PAK5: variants seen among roughly 807,000 people sequenced by gnomAD.
PAK5 encodes serine/threonine-protein kinase PAK 5.
A neutral mutation model predicts 65.9 loss-of-function variants in PAK5; 16 were observed. That is an observed-to-expected ratio of 0.24 (90% confidence interval 0.16 to 0.37). PAK5 has a LOEUF of 0.37. PAK5 is among the 10% of genes least tolerant of loss of function. The pLI, the probability that PAK5 is intolerant of heterozygous loss-of-function variation, is 1.00. For synonymous variants in PAK5, 371 were observed against 354.9 expected (o/e 1.05, Z -0.51); for missense variants, 785 against 903.9 (o/e 0.87, Z 1.69).
chr20:9,707,000 A>G (rs1569050877), intron 2 of PAK5, among the ~76,000 whole-genome samples: 2 of 152,118 alleles, frequency 1.3e-5, no homozygotes, highest in Admixed American at 1.3e-4. Context: ...TACATTTTAC[A>G]TATTTCTTGT....
chr20:9,569,333 C>T (rs190849097), intron 4 of PAK5, among the ~76,000 whole-genome samples: 4 of 152,158 alleles, frequency 2.6e-5, no homozygotes, highest in Non-Finnish European at 5.9e-5. Flanking sequence ...TGCCCCAAGT[C>T]CAGGGAAGAG....
At chr20:9,798,792 GT>G (rs2049134489) in intron 1 of PAK5, among the ~76,000 whole-genome samples, 1 of 152,118 alleles carries the variant, frequency 6.6e-6, no homozygotes, top group Non-Finnish European at 1.5e-5. Flanking sequence ...AAGGATGATG[GT>G]TCTCAAAGCA....
intron 1 of PAK5, among the ~76,000 whole-genome samples, chr20:9,726,878 T>C (rs917866177): frequency 6.6e-6 from 1 of 152,190 alleles, no homozygotes; most frequent in Non-Finnish European, 1.5e-5. Context: ...CTATGTATGC[T>C]AGACACCAAA....
intron 1 of PAK5, among the ~76,000 whole-genome samples, chr20:9,733,788 C>T (rs1447165558): frequency 6.6e-6 from 1 of 152,134 alleles, no homozygotes; most frequent in Admixed American, 6.6e-5. Context: ...TTAGTTCCTG[C>T]CATGATGGCT....
chr20:9,628,681 T>C (rs2046880293), intron 3 of PAK5, among the ~76,000 whole-genome samples: 1 of 152,176 alleles, frequency 6.6e-6, no homozygotes, highest in Non-Finnish European at 1.5e-5. Context: ...AAATGAAAGC[T>C]GATATTATAC....
intron 1 of PAK5, among the ~76,000 whole-genome samples, chr20:9,740,826 G>A (rs2048443005): frequency 6.6e-6 from 1 of 152,198 alleles, no homozygotes; most frequent in South Asian, 2.1e-4. Context: ...ATGCCTCTGA[G>A]GTTTTGTAGT....
intron 2 of PAK5, among the ~76,000 whole-genome samples, chr20:9,674,640 GC>G (rs2047544224): frequency 6.6e-6 from 1 of 152,180 alleles, no homozygotes. Context: ...AGTTGAGTAT[GC>G]AGAAGCAGAG....
intron 2 of PAK5, among the ~76,000 whole-genome samples, chr20:9,709,828 T>C (rs1193333558): frequency 6.6e-6 from 1 of 152,186 alleles, no homozygotes; most frequent in African/African-American, 2.4e-5. Context: ...CCTCCAACAG[T>C]AGCTGTTGGC....
chr20:9,686,655 C>T (rs2047723569), intron 2 of PAK5, among the ~76,000 whole-genome samples: 1 of 152,156 alleles, frequency 6.6e-6, no homozygotes, highest in Non-Finnish European at 1.5e-5. Context: ...TAAAGGCTTC[C>T]TGTTGCTGCT....
At chr20:9,549,095 T>A (rs2045388595) in intron 7 of PAK5, among the ~76,000 whole-genome samples, 1 of 152,152 alleles carries the variant, frequency 6.6e-6, no homozygotes, top group Admixed American at 6.6e-5. Flanking sequence ...TGCCCTATTA[T>A]AAGAGGAGTC....
At position 9,654,608 on chromosome 20, in the gene PAK5, T is replaced by C. The variant is rs146162952; in HGVS notation, c.-11-10269A>G. Among the ~76,000 whole-genome samples the C allele has an allele frequency of 3.7e-3, 567 of 152,084 alleles. 3 individuals are homozygous for C. The highest frequency in any genetic ancestry group is 0.013 in the African/African-American group (538 of 41,510). On this transcript the variant is annotated intron_variant, in intron 2 of 9. Coordinates refer to ENST00000353224, the MANE Select transcript of PAK5 (RefSeq NM_177990.4). ...AAATCTTTTGAAAAATATAAGTCTGTATCATTCTCTTTCTCTCTTAGACCT... is the reference window on the plus strand; with the variant it reads ...AAATCTTTTGAAAAATATAAGTCTGCATCATTCTCTTTCTCTCTTAGACCT...
chr20:9,557,932 C>A (rs929408579), intron 6 of PAK5, among the ~76,000 whole-genome samples, 198 bp from the exon 7 acceptor site: 2 of 152,056 alleles, frequency 1.3e-5, no homozygotes, highest in Non-Finnish European at 2.9e-5. Context: ...TGACAGGGAC[C>A]AAATATAAGT....
intron 1 of PAK5, among the ~76,000 whole-genome samples, chr20:9,773,019 T>G (rs1400283207): frequency 6.6e-6 from 1 of 152,208 alleles, no homozygotes; most frequent in Non-Finnish European, 1.5e-5. Flanking sequence ...TAAATCCTCA[T>G]GATGAGAAGT....
chr20:9,661,823 C>G (rs527280943), intron 2 of PAK5, among the ~76,000 whole-genome samples: 1 of 152,118 alleles, frequency 6.6e-6, no homozygotes, highest in Non-Finnish European at 1.5e-5. Context: ...ATCTTCCTCA[C>G]GTCAGTGATT....
intron 1 of PAK5, among the ~76,000 whole-genome samples, chr20:9,792,099 T>C (rs1289331430): frequency 3.9e-5 from 6 of 152,218 alleles, no homozygotes. Context: ...ATGACTATTT[T>C]GATCCCCCCT....
chr20:9,583,808 T>C (rs1286442413), intron 3 of PAK5, among the ~76,000 whole-genome samples: 3 of 152,228 alleles, frequency 2.0e-5, no homozygotes, highest in Non-Finnish European at 4.4e-5. Flanking sequence ...ACCCTTGATA[T>C]CACTGATCTG....
At chr20:9,772,467 G>A (rs2048844575) in intron 1 of PAK5, among the ~76,000 whole-genome samples, 1 of 46,370 alleles carries the variant, frequency 2.2e-5, no homozygotes, top group South Asian at 7.3e-4. Flanking sequence ...TATGCCATTG[G>A]TCAGAGGTCA....
Position 9,539,622 on chromosome 20 carries a change from G to T in PAK5, c.2005-5C>A. 1 of 1,612,612 alleles carries T rather than the reference G, an allele frequency of 6.2e-7. No homozygotes were observed. The highest frequency in any genetic ancestry group is 8.5e-7 in the Non-Finnish European group (1 of 1,179,602). On this transcript the variant is annotated splice_polypyrimidine_tract_variant and splice_region_variant and intron_variant, in intron 9 of 9. Coordinates refer to ENST00000353224, the MANE Select transcript of PAK5 (RefSeq NM_177990.4). ...TCCCCGGAGCACTGAAGAAACCTGT[G>T]AAAACACACAGATACCAATCTGAGG... is the stretch of plus-strand genomic sequence containing the variant.
In PAK5 at chr20:9,759,149, T is replaced by A. The variant is rs554571061; in HGVS notation, c.-161-47714A>T. 2.0e-5 allele frequency among the ~76,000 whole-genome samples: 3 copies of A among 152,242 alleles called. No homozygotes were observed. The East Asian group carries it at 5.8e-4, about 29-fold the overall frequency. On this transcript the variant is annotated intron_variant, in intron 1 of 9. Coordinates refer to ENST00000353224, the MANE Select transcript of PAK5 (RefSeq NM_177990.4). ...TCACTTAACACTACGTCCTACAAGA[T>A]AACAAATCCAGGAAAAGTATTAATT...
Sources: allele counts gnomAD v4.1 joint callset (sites outside exome capture counted in the v4.1 genomes callset), GRCh38; gene constraint gnomAD v4.1.1; transcripts MANE v1.5; gene names NCBI Gene and HGNC (gene_info 2026-07-23, HGNC 2026-07-21).